The following SLC9A9 variants were observed in gnomAD, a reference collection of about 807,000 sequenced individuals.
SLC9A9 encodes the protein sodium/hydrogen exchanger 9.
In SLC9A9, 62 loss-of-function variants were observed where a neutral mutation model predicts 77.8. That is an observed-to-expected ratio of 0.80 (90% CI 0.65 to 0.98). The LOEUF is 0.98. SLC9A9 is among the 50% of genes least tolerant of loss of function. SLC9A9 has a pLI of 0.00. For synonymous variants in SLC9A9, 320 were observed against 283.5 expected (o/e 1.13, Z -1.29); for missense variants, 775 against 774.9 (o/e 1.00, Z 0.00).
intron 12 of SLC9A9, among the ~76,000 whole-genome samples, chr3:143,447,818 G>A (rs6802358): frequency 0.67 from 101,986 of 152,022 alleles, 34,285 homozygotes; most frequent in Middle Eastern, 0.69. Flanking sequence ...TGCTTGTATC[G>A]ACCAAAAAAC....
chr3:143,395,583 C>A (rs1236442656), intron 12 of SLC9A9, among the ~76,000 whole-genome samples: 2 of 152,068 alleles, frequency 1.3e-5, no homozygotes, highest in Non-Finnish European at 2.9e-5. Context: ...GCAACAAAAG[C>A]CAAAATAGAC....
chr3:143,767,404 G>GTGTC (rs1320721693), intron 4 of SLC9A9, among the ~76,000 whole-genome samples: 1 of 151,718 alleles, frequency 6.6e-6, no homozygotes, highest in African/African-American at 2.4e-5. Context: ...GTGTGTGTGT[G>GTGTC]TGTGTGTGTT....
At chr3:143,538,393 C>T (rs1286391540) in intron 9 of SLC9A9, among the ~76,000 whole-genome samples, 2 of 152,176 alleles carry the variant, frequency 1.3e-5, no homozygotes, top group African/African-American at 4.8e-5. Context: ...CTAGGGGATA[C>T]TGCAAATTAT....
At chr3:143,839,659 A>G (rs2009659514) in intron 1 of SLC9A9, among the ~76,000 whole-genome samples, 1 of 152,046 alleles carries the variant, frequency 6.6e-6, no homozygotes, top group Admixed American at 6.5e-5. Flanking sequence ...ACTTCACAAA[A>G]CTCTGGGATT....
intron 12 of SLC9A9, among the ~76,000 whole-genome samples, chr3:143,431,129 C>CT (rs1230952163): frequency 6.6e-6 from 1 of 152,020 alleles, no homozygotes; most frequent in Non-Finnish European, 1.5e-5. Flanking sequence ...GTACTCAAGG[C>CT]CTTTCACAGT....
intron 4 of SLC9A9, among the ~76,000 whole-genome samples, chr3:143,707,389 C>G (rs1432102125): frequency 6.6e-6 from 1 of 151,926 alleles, no homozygotes; most frequent in Non-Finnish European, 1.5e-5. Context: ...CACACACACA[C>G]ACACACACAC....
At chr3:143,820,026 C>A (rs573907864) in intron 2 of SLC9A9, among the ~76,000 whole-genome samples, 1 of 152,300 alleles carries the variant, frequency 6.6e-6, no homozygotes, top group South Asian at 2.1e-4. Flanking sequence ...ACAACAATAG[C>A]AAGTAACACT....
Position 143,461,604 on chromosome 3 carries a change from T to G in SLC9A9, c.1469+5433A>C, listed in dbSNP as rs558005397. Among the ~76,000 whole-genome samples, 3 of 152,226 alleles carry G rather than the reference T, an allele frequency of 2.0e-5. No homozygotes were observed. The South Asian group carries it at 6.2e-4, about 32-fold the overall frequency. ...TTTACAGATTAAGAAATTTGAGGAATAAAGACATTAAATTTATTGCTCAAA... is the reference window on the plus strand; with the variant it reads ...TTTACAGATTAAGAAATTTGAGGAAGAAAGACATTAAATTTATTGCTCAAA... On this transcript the variant is annotated intron_variant, in intron 12 of 15. Transcript: ENST00000316549.
intron 6 of SLC9A9, among the ~76,000 whole-genome samples, chr3:143,641,486 C>T (rs1039047535): frequency 4.7e-5 from 7 of 148,710 alleles, no homozygotes; most frequent in South Asian, 2.1e-4. Flanking sequence ...CTCTGCCTCC[C>T]GGGTTCATGC....
At chr3:143,514,942 G>A (rs1408149945) in intron 9 of SLC9A9, among the ~76,000 whole-genome samples, 4 of 152,056 alleles carry the variant, frequency 2.6e-5, no homozygotes, top group African/African-American at 4.8e-5. Flanking sequence ...TGGCTGTTTT[G>A]TGCAAGAGAC....
chr3:143,360,393 T>C (rs755695443), intron 14 of SLC9A9, among the ~76,000 whole-genome samples: 4 of 152,214 alleles, frequency 2.6e-5, no homozygotes, highest in Non-Finnish European at 4.4e-5. Flanking sequence ...ATAATGAACC[T>C]TAATTAATCA....
intron 6 of SLC9A9, among the ~76,000 whole-genome samples, chr3:143,623,993 G>A (rs937589131): frequency 3.7e-4 from 57 of 152,278 alleles, no homozygotes; most frequent in African/African-American, 1.3e-3. Flanking sequence ...ACACCTCTAT[G>A]CAAATAAACT....
chr3:143,397,041 A>C (rs1333626187), intron 12 of SLC9A9, among the ~76,000 whole-genome samples: 1 of 152,238 alleles, frequency 6.6e-6, no homozygotes, highest in Non-Finnish European at 1.5e-5. Flanking sequence ...TGTTTGGCAC[A>C]ACTTCCCTTG....
chr3:143,371,302 G>A (rs2033053637), intron 13 of SLC9A9, among the ~76,000 whole-genome samples: 1 of 152,170 alleles, frequency 6.6e-6, no homozygotes, highest in African/African-American at 2.4e-5. Context: ...TGTTTTATGA[G>A]TAAGGACAAT....
chr3:143,449,791 A>G (rs1462108084), intron 12 of SLC9A9, among the ~76,000 whole-genome samples: 1 of 82,864 alleles, frequency 1.2e-5, no homozygotes, highest in African/African-American at 5.4e-5. Context: ...ATATATAATT[A>G]TATATATTTT....
intron 2 of SLC9A9, among the ~76,000 whole-genome samples, chr3:143,813,958 T>G (rs775956243): frequency 6.6e-6 from 1 of 152,018 alleles, no homozygotes; most frequent in Non-Finnish European, 1.5e-5. Context: ...CTCAAGGTAA[T>G]GATAGTGGGA....
chr3:143,543,938 G>A (rs1001828368), intron 9 of SLC9A9, among the ~76,000 whole-genome samples: 1 of 152,142 alleles, frequency 6.6e-6, no homozygotes, highest in African/African-American at 2.4e-5. Context: ...CCTGTTTTAA[G>A]TTCTTTGAAA....
At chr3:143,789,745 G>A (rs2008162859) in intron 4 of SLC9A9, among the ~76,000 whole-genome samples, 1 of 152,088 alleles carries the variant, frequency 6.6e-6, no homozygotes, top group South Asian at 2.1e-4. Flanking sequence ...AGGGCAGAGG[G>A]AGAGTGTCCA....
chr3:143,364,501 C>T (rs146896145), intron 13 of SLC9A9, among the ~76,000 whole-genome samples: 2,469 of 152,226 alleles, frequency 0.016, 31 homozygotes, highest in South Asian at 0.075. Context: ...TAATGACCCA[C>T]GGAAGACAAT....
Sources: gnomAD v4.1 joint callset for allele counts (sites outside exome capture counted in the v4.1 genomes callset) on GRCh38, gnomAD v4.1.1 for gene constraint, MANE v1.5 for transcripts, NCBI Gene and HGNC (gene_info 2026-07-23, HGNC 2026-07-21) for gene names.